The following BTAF1 variants were observed in gnomAD, a reference collection of about 807,000 sequenced individuals.
BTAF1 encodes the protein TATA-binding protein-associated factor 172.
A neutral mutation model predicts 227.1 loss-of-function variants in BTAF1; 38 were observed. That is an observed-to-expected ratio of 0.17 (90% confidence interval 0.13 to 0.22). BTAF1 has a LOEUF of 0.22. BTAF1 is among the 10% of genes least tolerant of loss of function. BTAF1 has a pLI of 1.00. For missense variants in BTAF1, 1,598 were observed against 2,204.0 expected, an observed-to-expected ratio of 0.73 and a Z score of 5.51; for synonymous variants, 742 against 751.9, an observed-to-expected ratio of 0.99 and a Z score of 0.21.
intron 18 of BTAF1, 84 bp downstream of exon 18, chr10:91,982,845 T>A: frequency 7.3e-7 from 1 of 1,360,846 alleles, no homozygotes. Flanking sequence ...AACAGAAAAG[T>A]GAAAATTTTC....
chr10:92,017,095 A>G (rs981290956), intron 33 of BTAF1, among the ~76,000 whole-genome samples: 2 of 152,230 alleles, frequency 1.3e-5, no homozygotes, highest in Non-Finnish European at 2.9e-5. Flanking sequence ...CAGCAGATAA[A>G]ACAGACTCCT....
At chr10:92,025,076 T>A (rs1471942923) in intron 35 of BTAF1, 109 bp downstream of exon 35, 2 of 896,372 alleles carry the variant, frequency 2.2e-6, no homozygotes, top group East Asian at 2.7e-5. Flanking sequence ...TGCATTTTTT[T>A]AATTGTGTAA....
chr10:91,950,148 T>TGTGTGGGG (rs1554851556), intron 4 of BTAF1, among the ~76,000 whole-genome samples: 1 of 24,380 alleles, frequency 4.1e-5, no homozygotes, highest in Admixed American at 5.9e-4. Context: ...TTGTCCTTTG[T>TGTGTGGGG]GGGGGGGGGC....
chr10:91,938,975 C>CAA (rs58534811), intron 2 of BTAF1, among the ~76,000 whole-genome samples: 102 of 89,482 alleles, frequency 1.1e-3, no homozygotes, highest in East Asian at 3.7e-3. Context: ...TCCATTTCTG[C>CAA]AAAAAAAAAA....
chr10:92,027,388 C>T (rs767231890), intron 37 of BTAF1, 88 bp downstream of exon 37: 44 of 1,269,736 alleles, frequency 3.5e-5, no homozygotes, highest in Non-Finnish European at 3.9e-5. Context: ...CAGCAAAATG[C>T]GTTTACTTTA....
intron 14 of BTAF1, among the ~76,000 whole-genome samples, chr10:91,976,457 T>G (rs959162531): frequency 6.6e-6 from 1 of 152,264 alleles, no homozygotes. Context: ...TTTTTAGCCC[T>G]CTAATCACAT....
intron 32 of BTAF1, among the ~76,000 whole-genome samples, chr10:92,015,302 T>A (rs1481170867): frequency 6.6e-6 from 1 of 152,218 alleles, no homozygotes; most frequent in East Asian, 1.9e-4. Context: ...TTTTATGTTC[T>A]AGGTTTGTAT....
chr10:92,020,602 T>C (rs1851057728), intron 34 of BTAF1, among the ~76,000 whole-genome samples: 1 of 152,200 alleles, frequency 6.6e-6, no homozygotes, highest in South Asian at 2.1e-4. Flanking sequence ...CAAATATGTA[T>C]CCTTACATCA....
chr10:91,948,202 CCT>C (rs141328029), intron 4 of BTAF1, among the ~76,000 whole-genome samples: 20,520 of 149,924 alleles, frequency 0.14, 1,524 homozygotes, highest in Middle Eastern at 0.19. Context: ...CGTTCCTCCC[CCT>C]GTGTCCAAGT....
chr10:91,964,315 G>A, intron 13 of BTAF1, 114 bp downstream of exon 13: 3 of 1,238,330 alleles, frequency 2.4e-6, no homozygotes, highest in Admixed American at 5.1e-5. Context: ...TATTTAAGCT[G>A]GAGATGCCAA....
chr10:91,993,967 A>G (rs1015059212), intron 22 of BTAF1, 120 bp downstream of exon 22: 6 of 740,490 alleles, frequency 8.1e-6, no homozygotes, highest in Non-Finnish European at 9.6e-6. Flanking sequence ...ACCAGCTGGT[A>G]AGTTTTAAAA....
At chr10:92,014,478 T>C (rs1792968170) in intron 32 of BTAF1, among the ~76,000 whole-genome samples, 1 of 152,132 alleles carries the variant, frequency 6.6e-6, no homozygotes, top group Non-Finnish European at 1.5e-5. Context: ...CCTCCCACCT[T>C]GGCCTTCCAA....
intron 30 of BTAF1, among the ~76,000 whole-genome samples, chr10:92,012,502 G>A (rs1850440585): frequency 6.6e-6 from 1 of 151,276 alleles, no homozygotes; most frequent in African/African-American, 2.4e-5. Flanking sequence ...TGGGCACGGT[G>A]GCTCATGCCT....
intron 1 of BTAF1, among the ~76,000 whole-genome samples, chr10:91,931,774 G>A (rs1844288691): frequency 6.6e-6 from 1 of 152,198 alleles, no homozygotes; most frequent in African/African-American, 2.4e-5. Context: ...CTGCCCTCTT[G>A]TCAGATCTTT....
intron 36 of BTAF1, 96 bp from the exon 37 acceptor site, chr10:92,027,034 G>A (rs1468023142): frequency 9.5e-6 from 12 of 1,258,442 alleles, no homozygotes; most frequent in East Asian, 2.4e-5. Context: ...CCCTAATTAG[G>A]TAGTATAAAA....
intron 1 of BTAF1, 75 bp downstream of exon 1, chr10:91,924,165 C>G: frequency 6.4e-7 from 1 of 1,560,244 alleles, no homozygotes; most frequent in Non-Finnish European, 8.7e-7. Flanking sequence ...GCCCCCACTC[C>G]TAGAGAAGAG....
At chr10:91,983,584 A>G (rs1848206187) in intron 18 of BTAF1, among the ~76,000 whole-genome samples, 1 of 152,146 alleles carries the variant, frequency 6.6e-6, no homozygotes, top group African/African-American at 2.4e-5. Context: ...ACTTAGCAGC[A>G]AGTGTTGACA....
chr10:91,982,293 A>ACAG, intron 17 of BTAF1, 68 bp downstream of exon 17: 1 of 1,602,512 alleles, frequency 6.2e-7, no homozygotes, highest in African/African-American at 1.3e-5. Flanking sequence ...TATTTAACCA[A>ACAG]CAGAAGATTC....
intron 4 of BTAF1, among the ~76,000 whole-genome samples, chr10:91,949,014 C>T (rs1355877347): frequency 1.3e-5 from 2 of 152,100 alleles, no homozygotes; most frequent in African/African-American, 4.8e-5. Flanking sequence ...TAGTTGCTTA[C>T]GAATCTTGCA....
Sources: allele counts gnomAD v4.1 joint callset (sites outside exome capture counted in the v4.1 genomes callset), GRCh38; gene constraint gnomAD v4.1.1; transcripts MANE v1.5; gene names NCBI Gene and HGNC (gene_info 2026-07-23, HGNC 2026-07-21).